Variants in WWOX observed in about 807,000 individuals in gnomAD.
The protein encoded by WWOX is WW domain-containing oxidoreductase.
WWOX carries 69 observed loss-of-function variants against 46.2 expected under a neutral mutation model. The observed-to-expected ratio is 1.49, with a 90% CI of 1.23 to 1.82. The LOEUF is 1.82. Among genes scored for constraint, WWOX ranks in the 40% most tolerant of loss-of-function variants. The pLI, the probability that WWOX is intolerant of heterozygous loss-of-function variation, is 0.00. For synonymous variants in WWOX, 359 were observed against 202.6 expected (o/e 1.77, Z -6.56); for missense variants, 919 against 542.6 (o/e 1.69, Z -6.89).
chr16:78,750,763 C>A (rs1464810021), intron 8 of WWOX, among the ~76,000 whole-genome samples: 1 of 152,138 alleles, frequency 6.6e-6, no homozygotes, highest in Non-Finnish European at 1.5e-5. Flanking sequence ...TCTGTTTCTG[C>A]ATTTATTCGC....
At chr16:78,301,176 A>G (rs1314161213) in intron 5 of WWOX, among the ~76,000 whole-genome samples, 3 of 152,222 alleles carry the variant, frequency 2.0e-5, no homozygotes, top group Non-Finnish European at 4.4e-5. Flanking sequence ...AATTGGTAAT[A>G]ATTTGCTAAC....
chr16:79,074,768 A>T (rs1163219650), intron 8 of WWOX, among the ~76,000 whole-genome samples: 1 of 152,154 alleles, frequency 6.6e-6, no homozygotes, highest in Admixed American at 6.6e-5. Context: ...AGCTCAGAAA[A>T]TAGCAAGTTA....
intron 6 of WWOX, among the ~76,000 whole-genome samples, chr16:78,396,262 A>AT (rs1309298702): frequency 3.3e-5 from 5 of 152,206 alleles, no homozygotes; most frequent in Non-Finnish European, 7.3e-5. Flanking sequence ...GGAGAGAATA[A>AT]TTATTACATC....
chr16:78,906,770 T>C (rs1168580167), intron 8 of WWOX, among the ~76,000 whole-genome samples: 7 of 152,238 alleles, frequency 4.6e-5, no homozygotes, highest in South Asian at 2.1e-4. Context: ...TTTTTGATCA[T>C]GTGACAAGGT....
chr16:78,613,207 G>T (rs996454191), intron 8 of WWOX, among the ~76,000 whole-genome samples: 1 of 152,058 alleles, frequency 6.6e-6, no homozygotes, highest in Non-Finnish European at 1.5e-5. Context: ...TCACATGAAC[G>T]TCTATGCCCA....
chr16:78,114,089 CTTT>C (rs759734805), intron 3 of WWOX, among the ~76,000 whole-genome samples: 9 of 104,072 alleles, frequency 8.6e-5, no homozygotes, highest in South Asian at 3.2e-4. Flanking sequence ...CCATATGTGC[CTTT>C]TTTTTTTTTT....
intron 8 of WWOX, among the ~76,000 whole-genome samples, chr16:79,019,157 C>CAAAAAAAAAAAAA (rs903333994): frequency 2.4e-4 from 6 of 24,570 alleles, no homozygotes; most frequent in African/African-American, 3.1e-4. Context: ...GACCTTGTCT[C>CAAAAAAAAAAAAA]AAAAAAAAAA....
At chr16:78,979,223 T>A (rs2046633274) in intron 8 of WWOX, among the ~76,000 whole-genome samples, 1 of 152,176 alleles carries the variant, frequency 6.6e-6, no homozygotes, top group South Asian at 2.1e-4. Context: ...AGAGAACATT[T>A]GGAAAACATA....
At chr16:78,925,886 C>T (rs557041688) in intron 8 of WWOX, among the ~76,000 whole-genome samples, 1 of 152,224 alleles carries the variant, frequency 6.6e-6, no homozygotes, top group South Asian at 2.1e-4. Context: ...TTGATCCCAC[C>T]CTTGCCTCCC....
intron 5 of WWOX, among the ~76,000 whole-genome samples, chr16:78,330,578 G>C (rs2080731939): frequency 6.6e-6 from 1 of 152,158 alleles, no homozygotes; most frequent in African/African-American, 2.4e-5. Context: ...TGTATTTTTA[G>C]TGGAGACGAG....
At chr16:78,450,828 G>C (rs549931914) in intron 8 of WWOX, among the ~76,000 whole-genome samples, 133 of 152,102 alleles carry the variant, frequency 8.7e-4, no homozygotes, top group Non-Finnish European at 1.6e-3. Flanking sequence ...CTCTAAGAAA[G>C]ATCATAAGAA....
At chr16:78,314,405 C>CAAAAA (rs56032982) in intron 5 of WWOX, among the ~76,000 whole-genome samples, 6 of 101,498 alleles carry the variant, frequency 5.9e-5, no homozygotes, top group Admixed American at 1.0e-4. Context: ...GACTCTGTCT[C>CAAAAA]AAAAAAAAAA....
At chr16:79,177,755 A>G (rs1237634747) in intron 8 of WWOX, among the ~76,000 whole-genome samples, 1 of 152,230 alleles carries the variant, frequency 6.6e-6, no homozygotes, top group African/African-American at 2.4e-5. Context: ...AGACTTTCTG[A>G]AAAGGGACAG....
intron 5 of WWOX, among the ~76,000 whole-genome samples, chr16:78,183,726 T>C (rs528394929): frequency 6.4e-4 from 98 of 152,266 alleles, no homozygotes; most frequent in Non-Finnish European, 1.2e-3. Flanking sequence ...TTCTAACTCA[T>C]TGAGGTGCCC....
chr16:79,181,607 G>C (rs11860626), intron 8 of WWOX, among the ~76,000 whole-genome samples: 1 of 151,814 alleles, frequency 6.6e-6, no homozygotes, highest in Non-Finnish European at 1.5e-5. Context: ...TTGTACCAAA[G>C]TTTGCTTAAC....
At chr16:78,624,961 C>A (rs1429026888) in intron 8 of WWOX, among the ~76,000 whole-genome samples, 7 of 152,044 alleles carry the variant, frequency 4.6e-5, no homozygotes, top group Non-Finnish European at 8.8e-5. Context: ...CATCATGGCC[C>A]CCTTCATATC....
chr16:78,196,900 T>A (rs2036070930), intron 5 of WWOX, among the ~76,000 whole-genome samples: 1 of 152,240 alleles, frequency 6.6e-6, no homozygotes, highest in Admixed American at 6.5e-5. Context: ...GACTACTGCC[T>A]GGTTTAAGCA....
In WWOX at chr16:78,386,958, C is replaced by T; in HGVS notation, c.605+10C>T. 6.2e-7 allele frequency: 1 copy of T among 1,611,366 alleles called. No homozygotes were observed. The highest frequency in any genetic ancestry group is 8.5e-7 in the Non-Finnish European group (1 of 1,177,518). The stretch of plus-strand genomic sequence containing the variant: ...TCAAGGCCAAGAATGTGTGAGTGTT[C>T]CAGTGGAGGGTTATAGATCATAATT... On this transcript the variant is annotated intron_variant, in intron 6 of 8. Coordinates refer to ENST00000566780, the MANE Select transcript of WWOX (RefSeq NM_016373.4).
chr16:78,233,826 C>G (rs548081245), intron 5 of WWOX, among the ~76,000 whole-genome samples: 2 of 152,274 alleles, frequency 1.3e-5, no homozygotes, highest in South Asian at 4.1e-4. Flanking sequence ...CGTGCCTGGC[C>G]TGATGATTCA....
Sources: gnomAD v4.1 joint callset for allele counts (sites outside exome capture counted in the v4.1 genomes callset) on GRCh38, gnomAD v4.1.1 for gene constraint, MANE v1.5 for transcripts, NCBI Gene and HGNC (gene_info 2026-07-23, HGNC 2026-07-21) for gene names.